UNC13C: variants seen among roughly 807,000 people sequenced by gnomAD.
The protein encoded by UNC13C is unc-13 homolog C.
UNC13C carries 174 observed loss-of-function variants against 245.4 expected under a neutral mutation model. The ratio of observed to expected loss-of-function variants is 0.71; its 90% confidence interval spans 0.63 to 0.80. The LOEUF is 0.80. UNC13C is among the 30% of genes least tolerant of loss of function. UNC13C has a pLI of 0.00. For synonymous variants in UNC13C, 992 were observed against 895.1 expected (o/e 1.11, Z -1.93); for missense variants, 2,829 against 2,602.9 (o/e 1.09, Z -1.89).
chr15:54,356,361 G>T (rs1295334692), intron 17 of UNC13C, among the ~76,000 whole-genome samples: 3 of 149,874 alleles, frequency 2.0e-5, no homozygotes, highest in East Asian at 3.9e-4. Flanking sequence ...CTCTAAAAGT[G>T]TTTTTTTTTT....
intron 30 of UNC13C, among the ~76,000 whole-genome samples, chr15:54,592,516 C>T (rs1211729732): frequency 6.6e-6 from 1 of 152,170 alleles, no homozygotes; most frequent in African/African-American, 2.4e-5. Context: ...GTGATATTTT[C>T]CTGTTGGACA....
chr15:54,581,580 C>T (rs1258244025), intron 30 of UNC13C, among the ~76,000 whole-genome samples: 3 of 152,192 alleles, frequency 2.0e-5, no homozygotes, highest in Non-Finnish European at 2.9e-5. Context: ...TCCCATCAGG[C>T]CAGGGCCCCA....
intron 22 of UNC13C, among the ~76,000 whole-genome samples, chr15:54,501,459 CAT>C (rs1369340394): frequency 6.6e-6 from 1 of 152,096 alleles, no homozygotes; most frequent in Non-Finnish European, 1.5e-5. Context: ...TCATATTTGA[CAT>C]ATTGATTTTG....
rs553561778 is a variant in UNC13C, at chr15:54,613,964, G to A, written c.6107-8363G>A. ...GAAGTGCTTGAAGAAAAATAAAACA[G>A]GGTAAGAACTCCAGCCCCATTTCCT... On this transcript the variant is annotated intron_variant, in intron 30 of 32. Coordinates refer to ENST00000260323, the MANE Select transcript of UNC13C (RefSeq NM_001080534.3). 3.9e-5 allele frequency among the ~76,000 whole-genome samples: 6 copies of A among 152,004 alleles called. No individual in the cohort carries two copies. In the East Asian group the frequency reaches 7.7e-4, roughly 20 times the overall value.
intron 2 of UNC13C, among the ~76,000 whole-genome samples, chr15:54,138,356 G>A (rs1321477088): frequency 6.6e-6 from 1 of 151,968 alleles, no homozygotes; most frequent in Non-Finnish European, 1.5e-5. Context: ...GAATATGAAT[G>A]AATATATTAA....
intron 10 of UNC13C, among the ~76,000 whole-genome samples, chr15:54,269,854 A>AAAC (rs57329227): frequency 0.025 from 3,823 of 152,294 alleles, 156 homozygotes; most frequent in African/African-American, 0.088. Context: ...TGTATTTTTT[A>AAAC]AACATCATTT....
intron 17 of UNC13C, among the ~76,000 whole-genome samples, chr15:54,343,375 C>T (rs1040359380): frequency 8.5e-5 from 13 of 152,072 alleles, no homozygotes; most frequent in East Asian, 5.8e-4. Context: ...TCAGGGGATC[C>T]ACCTGCCTCA....
the UNC13C span, among the ~76,000 whole-genome samples, chr15:53,871,799 A>C: frequency 2.0e-5 from 3 of 152,300 alleles, no homozygotes; most frequent in South Asian, 6.2e-4. Flanking sequence ...TACTTAAGAT[A>C]GTCTGCTCCA....
At chr15:54,169,202 A>G (rs2033293223) in intron 4 of UNC13C, among the ~76,000 whole-genome samples, 1 of 152,198 alleles carries the variant, frequency 6.6e-6, no homozygotes, top group African/African-American at 2.4e-5. Context: ...GCCCAAAAGA[A>G]TGTTGGAATT....
intron 23 of UNC13C, among the ~76,000 whole-genome samples, chr15:54,507,436 G>T (rs990644401): frequency 6.6e-6 from 1 of 152,026 alleles, no homozygotes; most frequent in Non-Finnish European, 1.5e-5. Flanking sequence ...TAAGGAACAA[G>T]ACTAGAATAA....
At chr15:53,910,823 G>T in the UNC13C span, 8 of 146,834 alleles carry the variant, frequency 5.4e-5, no homozygotes, top group African/African-American at 1.9e-4. Context: ...ACGGCCCCCC[G>T]AGTGTTCTTT....
intron 8 of UNC13C, 61 bp from the exon 9 acceptor site, chr15:54,264,107 C>CT (rs1365531896): frequency 1.1e-5 from 16 of 1,497,476 alleles, no homozygotes; most frequent in Non-Finnish European, 1.5e-5. Flanking sequence ...TTCCTCCCTC[C>CT]TTTAGCCATC....
At chr15:53,852,210 G>A in the UNC13C span, among the ~76,000 whole-genome samples, 1 of 152,146 alleles carries the variant, frequency 6.6e-6, no homozygotes, top group African/African-American at 2.4e-5. Context: ...GGGGTCTGAC[G>A]CTTGGTGTGT....
At chr15:54,339,889 T>C (rs930739146) in intron 17 of UNC13C, among the ~76,000 whole-genome samples, 11 of 152,208 alleles carry the variant, frequency 7.2e-5, no homozygotes, top group Non-Finnish European at 1.6e-4. Flanking sequence ...GTGGTTGTGC[T>C]AGTTTACATT....
intron 2 of UNC13C, among the ~76,000 whole-genome samples, chr15:54,031,359 G>A (rs1896350091): frequency 6.6e-6 from 1 of 152,162 alleles, no homozygotes; most frequent in Non-Finnish European, 1.5e-5. Flanking sequence ...GAGTACCTGG[G>A]ACTACAGGCA....
chr15:53,967,349 GTTTTT>G, the UNC13C span, among the ~76,000 whole-genome samples: 81 of 149,370 alleles, frequency 5.4e-4, no homozygotes, highest in Admixed American at 1.3e-3. Flanking sequence ...GTTTTGTTTT[GTTTTT>G]TTTCGAATCG....
intron 1 of UNC13C, among the ~76,000 whole-genome samples, chr15:53,991,785 C>G (rs551159389): frequency 6.6e-6 from 1 of 152,110 alleles, no homozygotes; most frequent in South Asian, 2.1e-4. Context: ...TACTACCTAA[C>G]CTCAATTGTT....
the UNC13C span, among the ~76,000 whole-genome samples, chr15:53,846,449 A>T: frequency 6.6e-6 from 1 of 152,136 alleles, no homozygotes; most frequent in East Asian, 1.9e-4. Context: ...GATGCCACAA[A>T]CTTGGGTTTG....
intron 25 of UNC13C, among the ~76,000 whole-genome samples, chr15:54,528,201 C>G (rs759836265): frequency 6.6e-6 from 1 of 152,104 alleles, no homozygotes; most frequent in Non-Finnish European, 1.5e-5. Context: ...TACCTGGGAA[C>G]TGAGACTAAG....
Sources: gnomAD v4.1 joint callset for allele counts (sites outside exome capture counted in the v4.1 genomes callset) on GRCh38, gnomAD v4.1.1 for gene constraint, MANE v1.5 for transcripts, NCBI Gene and HGNC (gene_info 2026-07-23, HGNC 2026-07-21) for gene names.